The following POU6F1 variants were observed in gnomAD, a reference collection of about 807,000 sequenced individuals.
The protein encoded by POU6F1 is POU domain, class 6, transcription factor 1.
POU6F1 carries 9 observed loss-of-function variants against 28.9 expected under a neutral mutation model. That is an observed-to-expected ratio of 0.31 (90% CI 0.19 to 0.54). POU6F1 has a LOEUF of 0.54. POU6F1 is among the 20% of genes least tolerant of loss of function. POU6F1 has a pLI of 0.94. For synonymous variants in POU6F1, 173 were observed against 171.1 expected (o/e 1.01, Z -0.09); for missense variants, 338 against 426.1 (o/e 0.79, Z 1.82).
chr12:51,216,880 C>T (rs779638105), intron 1 of POU6F1, among the ~76,000 whole-genome samples: 1 of 152,190 alleles, frequency 6.6e-6, no homozygotes, highest in Non-Finnish European at 1.5e-5. Context: ...GGCTTCCAGT[C>T]GGGCTGAGTG....
At chr12:51,203,771 A>G (rs1943383066) in intron 3 of POU6F1, among the ~76,000 whole-genome samples, 1 of 152,118 alleles carries the variant, frequency 6.6e-6, no homozygotes, top group African/African-American at 2.4e-5. Flanking sequence ...AAGGAGGCCC[A>G]AGGCTTCCTG....
chr12:51,197,616 G>A (rs1285386665), intron 6 of POU6F1, among the ~76,000 whole-genome samples, 154 bp downstream of exon 6: 1 of 152,162 alleles, frequency 6.6e-6, no homozygotes, highest in Non-Finnish European at 1.5e-5. Flanking sequence ...CAGCTGCAAG[G>A]AGAAGGCCTC....
At position 51,190,319 on chromosome 12, in the gene POU6F1, C is replaced by G. The variant is rs1025427752; in HGVS notation, c.1764G>C (p.Val588=). 2 of 1,614,122 alleles carry G rather than the reference C, an allele frequency of 1.2e-6. No individual in the cohort carries two copies. The highest frequency in any genetic ancestry group is 1.7e-6 in the Non-Finnish European group (2 of 1,180,046). Reference sequence around the variant, plus strand: ...GGCGCCGATTGCAGAACCAGACCCGCACTACCTCACGGTCGTAGTTGAGCT... The same window carrying G: ...GGCGCCGATTGCAGAACCAGACCCGGACTACCTCACGGTCGTAGTTGAGCT... The part of the protein sequence containing the change: ...AKELNYDREV[V]RVWFCNRRQT... The change falls in exon 11 of 11, where the codon GTG becomes GTC. Residue 588 remains valine (V), a synonymous_variant. Coordinates refer to ENST00000333640, the MANE Select transcript of POU6F1 (RefSeq NM_001330422.2). This position sits in a 1 kb window ranked among gnomAD's most constrained non-coding sequence, Gnocchi z 4.5.
intron 8 of POU6F1, among the ~76,000 whole-genome samples, chr12:51,194,691 C>T (rs1461909962): frequency 6.6e-6 from 1 of 151,774 alleles, no homozygotes; most frequent in African/African-American, 2.4e-5. Context: ...TTGCTAACGC[C>T]CTTCAGCATC....
intron 1 of POU6F1, among the ~76,000 whole-genome samples, chr12:51,216,009 ATAAAGCATTTTAAAAATG>A (rs1304265947): frequency 1.1e-4 from 17 of 152,304 alleles, no homozygotes; most frequent in African/African-American, 3.8e-4. Context: ...GTTTTAAATT[ATAAAGCATTTTAAAAATG>A]TAAAAGATGG....
rs568821208 is a variant in POU6F1, at chr12:51,190,454, C to G, written c.1629G>C (p.Lys543Asn). Residue 543 changes from lysine to asparagine, a missense_variant, in exon 11 of 11, where the codon AAG becomes AAC. Physicochemically the swap from Lys to Asn is moderately conservative, Grantham distance 94. Transcript: ENST00000333640. The surrounding 1 kb of genome is among the most constrained non-coding windows in gnomAD (Gnocchi z 4.5). The stretch of plus-strand genomic sequence containing the variant: ...TGAAGGAGGTGCGGCGTTTGCGTTT[C>G]TTGGAGGGCTCGCCTCCCACAAACT... ...LMEFVGGEPS[K>N]KRKRRTSFTP... 8.1e-6 allele frequency: 13 copies of G among 1,614,164 alleles called. No individual in the cohort carries two copies. In the African/African-American group the frequency reaches 1.3e-4, roughly 17 times the overall value.
chr12:51,210,794 T>C (rs1943939208), intron 1 of POU6F1, among the ~76,000 whole-genome samples: 1 of 152,158 alleles, frequency 6.6e-6, no homozygotes, highest in Non-Finnish European at 1.5e-5. Context: ...CCACCAGAAA[T>C]CCAGGCAGAG....
chr12:51,191,071 A>C (rs1942374399), intron 10 of POU6F1, among the ~76,000 whole-genome samples: 1 of 152,248 alleles, frequency 6.6e-6, no homozygotes. Context: ...TGGAGCTGGC[A>C]GGCAGATGAA....
chr12:51,213,607 A>C (rs969798315), intron 1 of POU6F1, among the ~76,000 whole-genome samples: 7 of 151,282 alleles, frequency 4.6e-5, no homozygotes, highest in South Asian at 2.1e-4. Flanking sequence ...GATCTCGGCT[A>C]ACTGCAACCT....
At chr12:51,192,532 C>T in intron 8 of POU6F1, 61 bp from the exon 9 acceptor site, 2 of 1,577,980 alleles carry the variant, frequency 1.3e-6, no homozygotes, top group Non-Finnish European at 1.7e-6. Flanking sequence ...AGTTAAAATC[C>T]CTGGGTGGAC....
chr12:51,196,162 G>T lies in POU6F1; in HGVS notation c.987C>A (p.Thr329=). 6.6e-7 allele frequency: 1 copy of T among 1,520,104 alleles called. No homozygotes were observed. The highest frequency in any genetic ancestry group is 1.4e-5 in the African/African-American group (1 of 71,880). The allele number at this position is 1,520,104 out of a possible 1,614,324, so 94.2% of individuals were successfully genotyped here. The change falls in exon 8 of 11, where the codon ACC becomes ACA. Residue 329 remains threonine, a synonymous_variant. Transcript: ENST00000333640. ...LTNAQGQVIG[T]LPWVVNSASV... ...TAGCTGAGTTCACTACCCATGGAAG[G>T]GTTCCAATAACCTGGGAGGAAATAA...
Position 51,217,612 on chromosome 12 carries a change from C to T in POU6F1, c.-48+30G>A, listed in dbSNP as rs1592215112. ...CCGGCCCCCTCCCCCTCCGTGCAAA[C>T]CCCTCCCCGCCCCGGACCCCGCTAC... On this transcript the variant is annotated intron_variant, in intron 1 of 10. Coordinates refer to ENST00000333640, the MANE Select transcript of POU6F1 (RefSeq NM_001330422.2). The surrounding 1 kb of genome is among the most constrained non-coding windows in gnomAD (Gnocchi z 5.3). 1 of 151,346 alleles carries T rather than the reference C, an allele frequency of 6.6e-6. No individual in the cohort carries two copies. The highest frequency in any genetic ancestry group is 2.4e-5 in the African/African-American group (1 of 41,310). The allele number at this position is 151,346 out of a possible 1,614,324, so 9.4% of individuals were successfully genotyped here. A position where few individuals can be genotyped will look rare whatever the true frequency, so the allele number is the denominator to read the frequency against.
intron 3 of POU6F1, among the ~76,000 whole-genome samples, chr12:51,203,259 G>A (rs1053542684): frequency 5.9e-5 from 9 of 152,154 alleles, no homozygotes; most frequent in Non-Finnish European, 1.3e-4. Context: ...GGTGAAAAGC[G>A]AAGTGAGGGC....
chr12:51,196,755 C>A, intron 7 of POU6F1, 44 bp downstream of exon 7: 1 of 1,610,306 alleles, frequency 6.2e-7, no homozygotes, highest in Non-Finnish European at 8.5e-7. Context: ...CCTGGCCAGC[C>A]TCTCCACAGT....
chr12:51,203,601 G>T (rs7397586), intron 3 of POU6F1, among the ~76,000 whole-genome samples: 2,069 of 152,332 alleles, frequency 0.014, 19 homozygotes, highest in Non-Finnish European at 0.02. Context: ...TTCTTGTTAA[G>T]GAGCTGTTGC....
chr12:51,212,552 G>A (rs1489812933), intron 1 of POU6F1, among the ~76,000 whole-genome samples: 9 of 149,806 alleles, frequency 6.0e-5, no homozygotes, highest in African/African-American at 1.7e-4. Context: ...AGGCTGAGGC[G>A]AGTAGATCAC....
intron 1 of POU6F1, among the ~76,000 whole-genome samples, chr12:51,213,499 C>T (rs1434528205): frequency 2.0e-5 from 3 of 152,126 alleles, no homozygotes; most frequent in Non-Finnish European, 4.4e-5. Context: ...CTGGCATGAG[C>T]CACCATACCT....
intron 1 of POU6F1, among the ~76,000 whole-genome samples, chr12:51,214,002 G>A (rs987594401): frequency 6.6e-6 from 1 of 151,778 alleles, no homozygotes; most frequent in Non-Finnish European, 1.5e-5. Flanking sequence ...ACTTAGCTGG[G>A]TGTGGTGGCG....
intron 8 of POU6F1, among the ~76,000 whole-genome samples, chr12:51,192,925 C>T (rs1942537048): frequency 6.6e-6 from 1 of 151,094 alleles, no homozygotes; most frequent in Admixed American, 6.6e-5. Context: ...AAAAGCAAGA[C>T]TAAGAAACAC....
Sources: gnomAD v4.1 joint callset for allele counts (sites outside exome capture counted in the v4.1 genomes callset) on GRCh38, gnomAD v4.1.1 for gene constraint, Gnocchi (gnomAD v3.1) non-coding constraint, MANE v1.5 for transcripts, NCBI Gene and HGNC (gene_info 2026-07-23, HGNC 2026-07-21) for gene names.